The following KIF26B variants were observed in gnomAD, a reference collection of about 807,000 sequenced individuals.
KIF26B encodes kinesin-like protein KIF26B.
KIF26B carries 63 observed loss-of-function variants against 151.2 expected under a neutral mutation model. That is an observed-to-expected ratio of 0.42 (90% CI 0.34 to 0.51). The LOEUF is 0.51. Ranked by LOEUF, KIF26B falls within the 20% of genes least tolerant of loss-of-function variation. KIF26B has a pLI of 0.07. For missense variants in KIF26B, 2,813 were observed against 2,913.6 expected (o/e 0.97, Z 0.79); for synonymous variants, 1,357 against 1,262.1 (o/e 1.08, Z -1.59).
chr1:245,649,147 G>A (rs1186132660), intron 10 of KIF26B, among the ~76,000 whole-genome samples: 1 of 152,176 alleles, frequency 6.6e-6, no homozygotes, highest in Non-Finnish European at 1.5e-5. Context: ...GACCCTTGCC[G>A]AAATGTTTTC....
At chr1:245,201,088 G>A (rs1046140304) in intron 2 of KIF26B, among the ~76,000 whole-genome samples, 1 of 152,194 alleles carries the variant, frequency 6.6e-6, no homozygotes, top group African/African-American at 2.4e-5. Flanking sequence ...GCAGCTAAGA[G>A]GCTTGCTCAA....
chr1:245,602,673 T>C lies in KIF26B; in HGVS notation c.1447T>C (p.Leu483=). The change falls in exon 6 of 15, where the codon TTG becomes CTG. Residue 483 remains leucine (L), a synonymous_variant. Transcript: ENST00000407071. This position sits in a 1 kb window ranked among gnomAD's most constrained non-coding sequence, Gnocchi z 4.5. The stretch of plus-strand genomic sequence containing the variant: ...GGACCCACGGAAGAAGCAGATCACC[T>C]TGTACGATCCCCTGACTTGTGGAGG... ...KVDPRKKQIT[L]YDPLTCGGQN... 1 of 1,614,054 alleles carries C rather than the reference T, an allele frequency of 6.2e-7. No individual in the cohort carries two copies. The highest frequency in any genetic ancestry group is 1.1e-5 in the South Asian group (1 of 91,084).
At chr1:245,211,129 T>C (rs1001749621) in intron 2 of KIF26B, among the ~76,000 whole-genome samples, 1 of 152,176 alleles carries the variant, frequency 6.6e-6, no homozygotes, top group African/African-American at 2.4e-5. Context: ...CTGAACGCGA[T>C]ATTCTTTTGT....
chr1:245,271,272 G>GT (rs563194340), intron 2 of KIF26B, among the ~76,000 whole-genome samples: 4 of 148,734 alleles, frequency 2.7e-5, no homozygotes, highest in Non-Finnish European at 6.0e-5. Flanking sequence ...TTTTAGGACT[G>GT]TTTTTTTCTA....
At chr1:245,473,789 C>A (rs965735840) in intron 4 of KIF26B, among the ~76,000 whole-genome samples, 3 of 151,852 alleles carry the variant, frequency 2.0e-5, no homozygotes, top group African/African-American at 7.2e-5. Context: ...CAAGGAGGGG[C>A]CGGGGTTGCC....
intron 9 of KIF26B, among the ~76,000 whole-genome samples, chr1:245,640,122 GCTCT>G (rs376565844): frequency 1.9e-4 from 10 of 53,984 alleles, no homozygotes; most frequent in Non-Finnish European, 2.5e-4. Context: ...ACTAATATTT[GCTCT>G]CTCTCTCTCT....
At chr1:245,491,777 G>A (rs959765643) in intron 4 of KIF26B, among the ~76,000 whole-genome samples, 11 of 152,210 alleles carry the variant, frequency 7.2e-5, no homozygotes, top group African/African-American at 1.7e-4. Flanking sequence ...GCGTGGTGGC[G>A]GGTGCCTGTA....
intron 2 of KIF26B, among the ~76,000 whole-genome samples, chr1:245,181,511 A>C (rs1668905838): frequency 1.0e-5 from 1 of 96,350 alleles, no homozygotes; most frequent in African/African-American, 3.7e-5. Context: ...AACGTAGTAA[A>C]GTTAAAAAAA....
chr1:245,390,943 A>AAAACAAAACAAAAC lies in KIF26B; in HGVS notation c.999+23579_999+23580insCAAAACAAAACAAA, dbSNP rs1553270129. Among the ~76,000 whole-genome samples, 410 of 118,424 alleles carry AAAACAAAACAAAAC rather than the reference A, an allele frequency of 3.5e-3. 26 individuals carry two copies. Among genetic ancestry groups the AAAACAAAACAAAAC allele is most frequent in the African/African-American group, 0.016 (395 of 24,416 alleles). 77.7% of individuals were successfully genotyped at this position (118,424 alleles called of 152,430 possible). On this transcript the variant is annotated intron_variant, in intron 3 of 14. Coordinates refer to ENST00000407071, the MANE Select transcript of KIF26B (RefSeq NM_018012.4). ...TCTCAAAAAAAAAAAAAAAAAAAAAAAAAAAAAAACCACCATAAAATTTTG... is the reference window on the plus strand; with the variant it reads ...TCTCAAAAAAAAAAAAAAAAAAAAAAAAACAAAACAAAACAAAAAAAAACCACCATAAAATTTTG...
At chr1:245,330,908 G>T (rs1236739244) in intron 2 of KIF26B, among the ~76,000 whole-genome samples, 4 of 151,572 alleles carry the variant, frequency 2.6e-5, no homozygotes, top group Admixed American at 2.6e-4. Flanking sequence ...TTTTTAAAAG[G>T]CAGGCTCACC....
intron 2 of KIF26B, among the ~76,000 whole-genome samples, chr1:245,307,616 G>T (rs1209376953): frequency 6.6e-6 from 1 of 152,058 alleles, no homozygotes; most frequent in African/African-American, 2.4e-5. Context: ...TATCTGCTTT[G>T]GATGTTTTTT....
intron 3 of KIF26B, among the ~76,000 whole-genome samples, chr1:245,414,003 C>T (rs1459578710): frequency 1.3e-5 from 2 of 152,170 alleles, no homozygotes; most frequent in Non-Finnish European, 1.5e-5. Flanking sequence ...CAGGTGACCA[C>T]CTCAGGACTG....
chr1:245,479,108 C>T (rs1660106986), intron 4 of KIF26B, among the ~76,000 whole-genome samples: 1 of 151,610 alleles, frequency 6.6e-6, no homozygotes, highest in Non-Finnish European at 1.5e-5. Flanking sequence ...ATGGATGAGT[C>T]TGGAATTCAG....
At chr1:245,242,919 G>A (rs942579761) in intron 2 of KIF26B, among the ~76,000 whole-genome samples, 1 of 144,876 alleles carries the variant, frequency 6.9e-6, no homozygotes, top group Non-Finnish European at 1.5e-5. Context: ...CAAAGTGCTG[G>A]GATTACAGGC....
At chr1:245,325,347 GACTTTAGCTT>G (rs1671969013) in intron 2 of KIF26B, among the ~76,000 whole-genome samples, 2 of 152,162 alleles carry the variant, frequency 1.3e-5, no homozygotes, top group Non-Finnish European at 2.9e-5. Context: ...GTCATTTGTT[GACTTTAGCTT>G]AAAACCAACC....
At chr1:245,417,991 A>T (rs1490636321) in intron 3 of KIF26B, among the ~76,000 whole-genome samples, 1 of 150,028 alleles carries the variant, frequency 6.7e-6, no homozygotes, top group South Asian at 2.1e-4. Flanking sequence ...GGAAAAAAAA[A>T]GTTGTCGCAT....
At chr1:245,573,705 T>C (rs2043088726) in intron 5 of KIF26B, among the ~76,000 whole-genome samples, 1 of 152,102 alleles carries the variant, frequency 6.6e-6, no homozygotes, top group African/African-American at 2.4e-5. Flanking sequence ...AACAATTTCC[T>C]CTATAGAGTA....
At chr1:245,630,458 C>T (rs975831681) in intron 9 of KIF26B, among the ~76,000 whole-genome samples, 2 of 152,158 alleles carry the variant, frequency 1.3e-5, no homozygotes, top group Admixed American at 6.5e-5. Flanking sequence ...TGGAAGCCGT[C>T]ATCCTCAGCA....
At chr1:245,221,679 T>C (rs1398219014) in intron 2 of KIF26B, among the ~76,000 whole-genome samples, 1 of 152,250 alleles carries the variant, frequency 6.6e-6, no homozygotes, top group East Asian at 1.9e-4. Context: ...AGTGCTGGGA[T>C]TACAGGTGTG....
Sources: allele counts gnomAD v4.1 joint callset (sites outside exome capture counted in the v4.1 genomes callset), GRCh38; gene constraint gnomAD v4.1.1; non-coding constraint Gnocchi (gnomAD v3.1); transcripts MANE v1.5; gene names NCBI Gene and HGNC (gene_info 2026-07-23, HGNC 2026-07-21).